FARP1: variants seen among roughly 807,000 people sequenced by gnomAD.
FARP1 encodes FERM, ARH/RhoGEF and pleckstrin domain protein 1, also known as FERM, ARHGEF and pleckstrin domain-containing protein 1.
FARP1 carries 52 observed loss-of-function variants against 128.8 expected under a neutral mutation model. The observed-to-expected ratio is 0.40, with a 90% CI of 0.32 to 0.51. The LOEUF is 0.51. FARP1 is among the 20% of genes least tolerant of loss of function. FARP1 has a pLI of 0.45. For missense variants in FARP1, 1,333 were observed against 1,367.9 expected (o/e 0.97, Z 0.40); for synonymous variants, 580 against 551.8 (o/e 1.05, Z -0.72).
chr13:98,236,329 C>A (rs958961956), intron 2 of FARP1, among the ~76,000 whole-genome samples: 1 of 152,174 alleles, frequency 6.6e-6, no homozygotes, highest in Admixed American at 6.5e-5. Context: ...TGCTTCCAAA[C>A]ACGATTTAAT....
chr13:98,253,195 A>C (rs926135648), intron 2 of FARP1, among the ~76,000 whole-genome samples: 1 of 152,168 alleles, frequency 6.6e-6, no homozygotes, highest in Non-Finnish European at 1.5e-5. Flanking sequence ...GGGAGATGAA[A>C]ATTAATCTGA....
intron 2 of FARP1, among the ~76,000 whole-genome samples, chr13:98,327,628 A>G (rs1887292317): frequency 6.6e-6 from 1 of 152,216 alleles, no homozygotes; most frequent in Admixed American, 6.5e-5. Context: ...TTTCTGATAA[A>G]GTCTTTCCCT....
intron 2 of FARP1, among the ~76,000 whole-genome samples, chr13:98,337,225 C>T (rs1327588979): frequency 1.3e-5 from 2 of 152,082 alleles, no homozygotes; most frequent in African/African-American, 4.8e-5. Flanking sequence ...ATAAAAACAT[C>T]AGCCAGATGC....
intron 3 of FARP1, among the ~76,000 whole-genome samples, chr13:98,357,909 T>C (rs1888703664): frequency 6.6e-6 from 1 of 152,208 alleles, no homozygotes; most frequent in South Asian, 2.1e-4. Flanking sequence ...CTGGACACTG[T>C]AGGGCATAGT....
chr13:98,339,801 G>C (rs1052521883), intron 2 of FARP1, among the ~76,000 whole-genome samples: 1 of 152,062 alleles, frequency 6.6e-6, no homozygotes, highest in Non-Finnish European at 1.5e-5. Flanking sequence ...TGATTTATTA[G>C]CTAGATCCTA....
intron 16 of FARP1, among the ~76,000 whole-genome samples, chr13:98,418,365 C>T (rs1455385587): frequency 1.3e-5 from 2 of 152,046 alleles, no homozygotes; most frequent in Non-Finnish European, 2.9e-5. Context: ...ACCTCCGTCT[C>T]CCAGGTTCAA....
intron 3 of FARP1, among the ~76,000 whole-genome samples, chr13:98,361,140 T>G (rs1888856275): frequency 6.6e-6 from 1 of 152,148 alleles, no homozygotes; most frequent in Non-Finnish European, 1.5e-5. Flanking sequence ...CTCATCCATT[T>G]CTAATGGTTT....
chr13:98,308,199 G>A (rs1886270489), intron 2 of FARP1, among the ~76,000 whole-genome samples: 1 of 151,998 alleles, frequency 6.6e-6, no homozygotes, highest in Non-Finnish European at 1.5e-5. Context: ...TGTTTACGTG[G>A]TTTTTCCCAA....
At chr13:98,295,093 ACACACACACACATATAT>A (rs2139678283) in intron 2 of FARP1, among the ~76,000 whole-genome samples, 1 of 36,298 alleles carries the variant, frequency 2.8e-5, no homozygotes, top group South Asian at 9.4e-4. Context: ...ACACACACAC[ACACACACACACATATAT>A]CCCCAGGCAT....
In FARP1 at chr13:98,453,459, A is replaced by T; in HGVS notation, c.*5142A>T. 2.0e-6 allele frequency: 1 copy of T among 497,074 alleles called. No homozygotes were observed. The highest frequency in any genetic ancestry group is 3.5e-6 in the Non-Finnish European group (1 of 284,044). 30.8% of individuals were successfully genotyped at this position (497,074 alleles called of 1,614,324 possible). A position where few individuals can be genotyped will look rare whatever the true frequency, so the allele number is the denominator to read the frequency against. On this transcript the variant is annotated 3_prime_UTR_variant, in exon 27 of 27. Transcript: ENST00000319562. ...GAATGGGTTCAGCCTCCCTGGAGAG[A>T]TGTGAATAAAACGGGAAATCATATC...
chr13:98,292,697 A>T (rs144695377), intron 2 of FARP1, among the ~76,000 whole-genome samples: 2 of 152,226 alleles, frequency 1.3e-5, no homozygotes, highest in South Asian at 4.1e-4. Flanking sequence ...GGAACCATCT[A>T]TGATAAATTA....
rs889327960 is a variant in FARP1, at chr13:98,449,381, C to T, written c.*1064C>T. On this transcript the variant is annotated 3_prime_UTR_variant, in exon 27 of 27. Coordinates refer to ENST00000319562, the MANE Select transcript of FARP1 (RefSeq NM_005766.4). Reference sequence around the variant, plus strand: ...ATGGGGTAGTGTCAGTCGGACTGCACAGGGAACACGGTTTCCAGTGGCTTT... The same window carrying T: ...ATGGGGTAGTGTCAGTCGGACTGCATAGGGAACACGGTTTCCAGTGGCTTT... The T allele has an allele frequency of 6.6e-6, 1 of 152,172 alleles. No individual in the cohort carries two copies. Among genetic ancestry groups the T allele is most frequent in the Admixed American group, 6.5e-5 (1 of 15,288 alleles). The allele number at this position is 152,172 out of a possible 1,614,324, so 9.4% of individuals were successfully genotyped here.
intron 2 of FARP1, among the ~76,000 whole-genome samples, chr13:98,277,801 C>G (rs1363799959): frequency 6.6e-6 from 1 of 152,202 alleles, no homozygotes; most frequent in Non-Finnish European, 1.5e-5. Context: ...TTAGAATCAT[C>G]TAGAAATCTC....
chr13:98,249,074 A>C (rs2139482558), intron 2 of FARP1, among the ~76,000 whole-genome samples: 1 of 152,326 alleles, frequency 6.6e-6, no homozygotes, highest in Middle Eastern at 3.4e-3. Flanking sequence ...GTTGATGAGA[A>C]TATGACAGAA....
In FARP1 at chr13:98,449,502, A is replaced by G. The variant is rs972129253; in HGVS notation, c.*1185A>G. ...AAGCCCTTTCTAACGAGAGTCTCAA[A>G]CAAGCGGAGGCGAGGGCCAATTCAA... is the stretch of plus-strand genomic sequence containing the variant. On this transcript the variant is annotated 3_prime_UTR_variant, in exon 27 of 27. Coordinates refer to ENST00000319562, the MANE Select transcript of FARP1 (RefSeq NM_005766.4). 9 of 152,314 alleles carry G rather than the reference A, an allele frequency of 5.9e-5. No homozygotes were observed. Among genetic ancestry groups the G allele is most frequent in the African/African-American group, 2.2e-4 (9 of 41,360 alleles). The allele number at this position is 152,314 out of a possible 1,614,324, so 9.4% of individuals were successfully genotyped here.
chr13:98,348,822 G>A (rs773724497), intron 3 of FARP1, among the ~76,000 whole-genome samples: 33 of 152,286 alleles, frequency 2.2e-4, no homozygotes, highest in African/African-American at 3.9e-4. Context: ...TAGCCTGGCC[G>A]TATTTGGCCC....
Position 98,413,180 on chromosome 13 carries a change from A to G in FARP1, c.1826+1146A>G, listed in dbSNP as rs116830448. 7.2e-3 allele frequency among the ~76,000 whole-genome samples: 1,100 copies of G among 152,310 alleles called. 12 individuals are homozygous for G. The highest frequency in any genetic ancestry group is 0.022 in the African/African-American group (905 of 41,568). On this transcript the variant is annotated intron_variant, in intron 16 of 26. Coordinates refer to ENST00000319562, the MANE Select transcript of FARP1 (RefSeq NM_005766.4). ...ATACCTGGAGGATAATTCATGTGCAATTCTCCTTCCCTTGAGAGAGGGAGG... is the reference window on the plus strand; with the variant it reads ...ATACCTGGAGGATAATTCATGTGCAGTTCTCCTTCCCTTGAGAGAGGGAGG...
chr13:98,329,289 G>T (rs1221037541), intron 2 of FARP1: 2 of 152,156 alleles, frequency 1.3e-5, no homozygotes, highest in African/African-American at 4.8e-5. Context: ...TTTTCATATA[G>T]TTGGCCTTTT....
At position 98,453,199 on chromosome 13, in the gene FARP1, T is replaced by G; in HGVS notation, c.*4882T>G. 2 of 1,613,348 alleles carry G rather than the reference T, an allele frequency of 1.2e-6. No individual in the cohort carries two copies. Among genetic ancestry groups the G allele is most frequent in the Non-Finnish European group, 1.7e-6 (2 of 1,179,728 alleles). On this transcript the variant is annotated 3_prime_UTR_variant, in exon 27 of 27. Transcript: ENST00000319562. Reference sequence around the variant, plus strand: ...CAGTGGGATGAAGTTCCTCCACCACTTAGAGAGTATCTAGGGAAAAAGAGA... The same window carrying G: ...CAGTGGGATGAAGTTCCTCCACCACGTAGAGAGTATCTAGGGAAAAAGAGA...
Sources: gnomAD v4.1 joint callset for allele counts (sites outside exome capture counted in the v4.1 genomes callset) on GRCh38, gnomAD v4.1.1 for gene constraint, MANE v1.5 for transcripts, NCBI Gene and HGNC (gene_info 2026-07-23, HGNC 2026-07-21) for gene names.